TIMM21: variants seen among roughly 807,000 people sequenced by gnomAD.
The protein encoded by TIMM21 is mitochondrial import inner membrane translocase subunit Tim21.
A neutral mutation model predicts 27.7 loss-of-function variants in TIMM21; 30 were observed. The observed-to-expected ratio is 1.08, with a 90% confidence interval of 0.81 to 1.47. The LOEUF (loss-of-function observed/expected upper bound fraction) is 1.47, where lower values mean the gene tolerates loss of function less well. TIMM21 is among the 40% of genes most tolerant of loss of function. TIMM21 has a pLI of 0.00. For missense variants in TIMM21, 292 were observed against 302.9 expected (o/e 0.96, Z 0.27); for synonymous variants, 121 against 114.4 (o/e 1.06, Z -0.37).
chr18:74,149,758 AT>A (rs1979747588), intron 1 of TIMM21, among the ~76,000 whole-genome samples: 1 of 152,134 alleles, frequency 6.6e-6, no homozygotes, highest in Non-Finnish European at 1.5e-5. Flanking sequence ...CTAGCTTTTC[AT>A]TCATACTAGT....
Position 74,158,547 on chromosome 18 carries a change from G to C in TIMM21, c.*67G>C. On this transcript the variant is annotated 3_prime_UTR_variant, in exon 6 of 6. Coordinates refer to ENST00000169551, the MANE Select transcript of TIMM21 (RefSeq NM_014177.3). Reference sequence around the variant, plus strand: ...CTCCGTTCTTCACAGCTGCCTTCCAGAATGTGTTCAAAAGAAAGACAAGAA... The same window carrying C: ...CTCCGTTCTTCACAGCTGCCTTCCACAATGTGTTCAAAAGAAAGACAAGAA... 1 of 964,656 alleles carries C rather than the reference G, an allele frequency of 1.0e-6. No individual in the cohort carries two copies. Among genetic ancestry groups the C allele is most frequent in the Non-Finnish European group, 1.6e-6 (1 of 621,498 alleles). The allele number at this position is 964,656 out of a possible 1,614,324, so 59.8% of individuals were successfully genotyped here.
chr18:74,155,374 G>A lies in TIMM21; in HGVS notation c.433G>A (p.Ala145Thr). The change falls in exon 3 of 6, where the codon GCC (alanine) becomes ACC (threonine). Residue 145 changes from alanine (A) to threonine (T), a missense_variant. Transcript: ENST00000169551. ...SSSPSKIYGR[A>T]LEKCRSHPEV... ...CAGTCCTAGCAAGATATATGGGAGAGCCTTAGAAAAATGCAGATCACATCC... is the reference window on the plus strand; with the variant it reads ...CAGTCCTAGCAAGATATATGGGAGAACCTTAGAAAAATGCAGATCACATCC... 1 of 1,612,668 alleles carries A rather than the reference G, an allele frequency of 6.2e-7. No homozygotes were observed. Among genetic ancestry groups the A allele is most frequent in the Middle Eastern group, 1.7e-4 (1 of 6,054 alleles).
chr18:74,151,160 T>C (rs747786613), intron 1 of TIMM21, among the ~76,000 whole-genome samples: 1 of 152,214 alleles, frequency 6.6e-6, no homozygotes, highest in Admixed American at 6.5e-5. Context: ...TATGTCCAAG[T>C]TGATAACTGT....
At position 74,158,691 on chromosome 18, in the gene TIMM21, A is replaced by C. The variant is rs1243210945; in HGVS notation, c.*211A>C. 2 of 456,008 alleles carry C rather than the reference A, an allele frequency of 4.4e-6. No homozygotes were observed. Among genetic ancestry groups the C allele is most frequent in the East Asian group, 4.3e-5 (1 of 23,226 alleles). 28.2% of individuals were successfully genotyped at this position (456,008 alleles called of 1,614,324 possible). A position where few individuals can be genotyped will look rare whatever the true frequency, so the allele number is the denominator to read the frequency against. On this transcript the variant is annotated 3_prime_UTR_variant, in exon 6 of 6. Coordinates refer to ENST00000169551, the MANE Select transcript of TIMM21 (RefSeq NM_014177.3). ...TATTTTATGTTCTCCCATTGACTCAATCATGACAATATTTCTGCTTTAACA... is the reference window on the plus strand; with the variant it reads ...TATTTTATGTTCTCCCATTGACTCACTCATGACAATATTTCTGCTTTAACA...
At chr18:74,157,407 G>A (rs984542122) in intron 3 of TIMM21, 1 of 152,460 alleles carries the variant, frequency 6.6e-6, no homozygotes, top group Non-Finnish European at 1.5e-5. Flanking sequence ...TGTTATGTTT[G>A]TTTTCTGTAA....
chr18:74,155,319 C>T lies in TIMM21; in HGVS notation c.378C>T (p.Tyr126=). The T allele has an allele frequency of 1.2e-6, 2 of 1,613,320 alleles. No individual in the cohort carries two copies. Among genetic ancestry groups the T allele is most frequent in the Non-Finnish European group, 1.7e-6 (2 of 1,179,844 alleles). The change falls in exon 3 of 6, where the codon TAC becomes TAT. Residue 126 remains tyrosine, a synonymous_variant. Transcript: ENST00000169551. ...CTGTGATTTCAGGTGGCTTGTTTTA[C>T]ACGATTTTCAAAGAACTTTTTTCTT... ...FGISITGGLF[Y]TIFKELFSSS... is the part of the protein sequence containing the mutation.
At chr18:74,155,254 G>T in intron 2 of TIMM21, 47 bp downstream of exon 2, 1 of 1,612,634 alleles carries the variant, frequency 6.2e-7, no homozygotes, top group African/African-American at 1.3e-5. Flanking sequence ...TTTTAAACTG[G>T]ACTTTTTATG....
At chr18:74,151,642 C>G (rs1979802485) in intron 1 of TIMM21, among the ~76,000 whole-genome samples, 1 of 152,176 alleles carries the variant, frequency 6.6e-6, no homozygotes, top group African/African-American at 2.4e-5. Flanking sequence ...AGAACATAGT[C>G]AGCTGGTGGG....
rs571707050 is a variant in TIMM21, at chr18:74,158,510, G to A, written c.*30G>A. 22 of 1,327,124 alleles carry A rather than the reference G, an allele frequency of 1.7e-5. No individual in the cohort carries two copies. Among genetic ancestry groups the A allele is most frequent in the Non-Finnish European group, 1.9e-5 (18 of 938,398 alleles). The allele number at this position is 1,327,124 out of a possible 1,614,324, so 82.2% of individuals were successfully genotyped here. On this transcript the variant is annotated 3_prime_UTR_variant, in exon 6 of 6. Transcript: ENST00000169551. ...GGGTTTCTGATGGATGTTGAATGGC[G>A]TGGACTCGCTACTCCGTTCTTCACA...
rs893906363 is a variant in TIMM21 at position 74,152,808 on chromosome 18, A to T, written c.302-2337A>T. ...AGAATACGTCTTGAGGGATGAGGGAAGCAGGACTGGGCAGAGGGAGAGGCC... is the reference window on the plus strand; with the variant it reads ...AGAATACGTCTTGAGGGATGAGGGATGCAGGACTGGGCAGAGGGAGAGGCC... On this transcript the variant is annotated intron_variant, in intron 1 of 5. Coordinates refer to ENST00000169551, the MANE Select transcript of TIMM21 (RefSeq NM_014177.3). The surrounding 1 kb of genome is among the most constrained non-coding windows in gnomAD (Gnocchi z 4.1). 1.3e-5 allele frequency among the ~76,000 whole-genome samples: 2 copies of T among 152,236 alleles called. No homozygotes were observed. The highest frequency in any genetic ancestry group is 6.5e-5 in the Admixed American group (1 of 15,282).
In TIMM21 at chr18:74,155,398, C is replaced by A. The variant is rs755629945; in HGVS notation, c.457C>A (p.Pro153Thr). 3.3e-5 allele frequency: 53 copies of A among 1,608,792 alleles called. No individual in the cohort carries two copies. Among genetic ancestry groups the A allele is most frequent in the Non-Finnish European group, 4.3e-5 (51 of 1,178,448 alleles). The change falls in exon 3 of 6, where the codon CCT becomes ACT. Residue 153 changes from proline to threonine, a missense_variant. Coordinates refer to ENST00000169551, the MANE Select transcript of TIMM21 (RefSeq NM_014177.3). ...GRALEKCRSH[P>T]EVIGVFGESV... is the part of the protein sequence containing the mutation. Reference sequence around the variant, plus strand: ...AGCCTTAGAAAAATGCAGATCACATCCTGAGGTTAGTTCTCAAGATTGAGT... The same window carrying A: ...AGCCTTAGAAAAATGCAGATCACATACTGAGGTTAGTTCTCAAGATTGAGT...
At chr18:74,157,961 C>A (rs1979995678) in intron 3 of TIMM21, 53 bp from the exon 4 acceptor site, 1 of 1,577,600 alleles carries the variant, frequency 6.3e-7, no homozygotes. Context: ...AAAATTATTT[C>A]TTTAGAAGCT....
At chr18:74,151,871 A>G (rs530728508) in intron 1 of TIMM21, among the ~76,000 whole-genome samples, 2 of 148,564 alleles carry the variant, frequency 1.3e-5, no homozygotes, top group South Asian at 4.2e-4. Flanking sequence ...ATGCTGATCA[A>G]CTCTCAGCTG....
rs764016839 is a variant in TIMM21 at position 74,155,332 on chromosome 18, G to T, written c.391G>T (p.Glu131Ter). 4 of 1,613,314 alleles carry T rather than the reference G, an allele frequency of 2.5e-6. No individual in the cohort carries two copies. Among genetic ancestry groups the T allele is most frequent in the Non-Finnish European group, 3.4e-6 (4 of 1,179,854 alleles). ...TGGCTTGTTTTACACGATTTTCAAA[G>T]AACTTTTTTCTTCATCCAGTCCTAG... ...TGGLFYTIFK[E>*]LFSSSSPSKI... Residue 131 changes from glutamate to a stop codon, truncating the protein, a stop_gained, in exon 3 of 6, where the codon GAA (glutamate) becomes TAA (stop). Coordinates refer to ENST00000169551, the MANE Select transcript of TIMM21 (RefSeq NM_014177.3). LOFTEE classifies it high-confidence loss of function.
Position 74,158,643 on chromosome 18 carries a change from CG to C in TIMM21, c.*165del. On this transcript the variant is annotated 3_prime_UTR_variant, in exon 6 of 6. Coordinates refer to ENST00000169551, the MANE Select transcript of TIMM21 (RefSeq NM_014177.3). ...TTTAAACAAACTAGACATTTTCTTACGGAAAAATTATGAAATACAGCATATT... is the reference window on the plus strand; with the variant it reads ...TTTAAACAAACTAGACATTTTCTTACGAAAAATTATGAAATACAGCATATT... The C allele has an allele frequency of 1.8e-6, 1 of 560,826 alleles. No homozygotes were observed. The allele number at this position is 560,826 out of a possible 1,614,324, so 34.7% of individuals were successfully genotyped here.
In TIMM21 at chr18:74,149,097, A is replaced by G. The variant is rs1481234836; in HGVS notation, c.289A>G (p.Thr97Ala). The change falls in exon 1 of 6, where the codon ACA (threonine) becomes GCA (alanine). Residue 97 changes from threonine to alanine, a missense_variant. Transcript: ENST00000169551. ...TCAGAGAGGGGGAACCGCCGTCCCA[A>G]CATCACAAAAAGGTAAAAAGGAGTA... ...RSQRGGTAVPTSQKVKEAGRD... is the reference protein window; with the variant it reads ...RSQRGGTAVPASQKVKEAGRD... The G allele has an allele frequency of 3.1e-6, 5 of 1,609,208 alleles. No homozygotes were observed. The highest frequency in any genetic ancestry group is 4.2e-6 in the Non-Finnish European group (5 of 1,176,866).
In TIMM21 at chr18:74,158,874, C is replaced by T. The variant is rs146863390; in HGVS notation, c.*394C>T. 2 of 185,670 alleles carry T rather than the reference C, an allele frequency of 1.1e-5. No homozygotes were observed. The highest frequency in any genetic ancestry group is 5.9e-5 in the Admixed American group (1 of 16,998). The allele number at this position is 185,670 out of a possible 1,614,324, so 11.5% of individuals were successfully genotyped here. A position where few individuals can be genotyped will look rare whatever the true frequency, so the allele number is the denominator to read the frequency against. On this transcript the variant is annotated 3_prime_UTR_variant, in exon 6 of 6. Coordinates refer to ENST00000169551, the MANE Select transcript of TIMM21 (RefSeq NM_014177.3). ...AAATATGTCATTAGCAGCTGCCCTCCGCATACTTTGGAATCTGACTTGAGA... is the reference window on the plus strand; with the variant it reads ...AAATATGTCATTAGCAGCTGCCCTCTGCATACTTTGGAATCTGACTTGAGA...
At chr18:74,151,937 T>TCCC (rs535525190) in intron 1 of TIMM21, among the ~76,000 whole-genome samples, 1,976 of 93,850 alleles carry the variant, frequency 0.021, 136 homozygotes, top group East Asian at 0.045. Context: ...GTGTCTATGT[T>TCCC]CCCCCCCCCC....
At chr18:74,149,645 T>C (rs1218087666) in intron 1 of TIMM21, among the ~76,000 whole-genome samples, 3 of 127,678 alleles carry the variant, frequency 2.3e-5, no homozygotes, top group African/African-American at 1.2e-4. Context: ...AAGATGACTA[T>C]TTTTAACATT....
Sources: gnomAD v4.1 joint callset for allele counts (sites outside exome capture counted in the v4.1 genomes callset) on GRCh38, gnomAD v4.1.1 for gene constraint, Gnocchi (gnomAD v3.1) non-coding constraint, MANE v1.5 for transcripts, NCBI Gene and HGNC (gene_info 2026-07-23, HGNC 2026-07-21) for gene names.